The following CTNND2 variants were observed in gnomAD, a reference collection of about 807,000 sequenced individuals.
CTNND2 encodes catenin delta 2.
CTNND2 carries 22 observed loss-of-function variants against 144.4 expected under a neutral mutation model. That is an observed-to-expected ratio of 0.15 (90% CI 0.11 to 0.22). The LOEUF is 0.22. Ranked by LOEUF, CTNND2 falls within the 10% of genes least tolerant of loss-of-function variation. The pLI, the probability that CTNND2 is intolerant of heterozygous loss-of-function variation, is 1.00. For missense variants in CTNND2, 1,353 were observed against 1,618.8 expected, an observed-to-expected ratio of 0.84 and a Z score of 2.82; for synonymous variants, 751 against 695.6, an observed-to-expected ratio of 1.08 and a Z score of -1.25.
chr5:11,653,894 T>C (rs1207382472), intron 2 of CTNND2, among the ~76,000 whole-genome samples: 1 of 152,054 alleles, frequency 6.6e-6, no homozygotes, highest in African/African-American at 2.4e-5. Context: ...TTAATTCTTA[T>C]TCCATTTTAA....
chr5:11,459,472 T>C (rs1322366846), intron 3 of CTNND2, among the ~76,000 whole-genome samples: 1 of 152,182 alleles, frequency 6.6e-6, no homozygotes, highest in Admixed American at 6.5e-5. Flanking sequence ...TATTGAAAGA[T>C]AAAGATAATT....
At chr5:11,093,788 T>C (rs1751032102) in intron 15 of CTNND2, among the ~76,000 whole-genome samples, 1 of 152,246 alleles carries the variant, frequency 6.6e-6, no homozygotes, top group Non-Finnish European at 1.5e-5. Flanking sequence ...TATATGCTGT[T>C]GTGTATCCTA....
At chr5:11,367,844 G>A (rs1338482134) in intron 7 of CTNND2, among the ~76,000 whole-genome samples, 1 of 152,320 alleles carries the variant, frequency 6.6e-6, no homozygotes, top group East Asian at 1.9e-4. Flanking sequence ...CAACTTTCCT[G>A]ATGGTTTCCC....
intron 3 of CTNND2, among the ~76,000 whole-genome samples, chr5:11,485,194 G>A (rs1768679647): frequency 1.3e-5 from 2 of 152,058 alleles, no homozygotes; most frequent in South Asian, 4.1e-4. Flanking sequence ...AAAGGTGAAA[G>A]AAACATAAAA....
At chr5:11,371,181 A>G (rs1460074038) in intron 7 of CTNND2, among the ~76,000 whole-genome samples, 1 of 152,228 alleles carries the variant, frequency 6.6e-6, no homozygotes, top group Admixed American at 6.5e-5. Flanking sequence ...GCAGGTAGTC[A>G]GCCTGTACTC....
intron 2 of CTNND2, among the ~76,000 whole-genome samples, chr5:11,662,030 T>TACAC (rs894145940): frequency 1.3e-5 from 2 of 149,344 alleles, no homozygotes; most frequent in Non-Finnish European, 3.0e-5. Context: ...CACACATATA[T>TACAC]ACACACACAC....
intron 2 of CTNND2, among the ~76,000 whole-genome samples, chr5:11,645,259 G>A (rs940906060): frequency 6.6e-6 from 1 of 152,038 alleles, no homozygotes; most frequent in South Asian, 2.1e-4. Flanking sequence ...GAGCCACCAT[G>A]CCCAGTCTAA....
Position 11,903,776 on chromosome 5 carries a change from G to GAGGCTGCGCCCGGCCCCGGCCGC in CTNND2, c.37+18_37+40dup. 4 of 1,469,402 alleles carry GAGGCTGCGCCCGGCCCCGGCCGC rather than the reference G, an allele frequency of 2.7e-6. No homozygotes were observed. The highest frequency in any genetic ancestry group is 3.6e-6 in the Non-Finnish European group (4 of 1,116,390). 91.0% of individuals were successfully genotyped at this position (1,469,402 alleles called of 1,614,324 possible). On this transcript the variant is annotated intron_variant, in intron 1 of 21. Transcript: ENST00000304623. This position sits in a 1 kb window ranked among gnomAD's most constrained non-coding sequence, Gnocchi z 5.4. The stretch of plus-strand genomic sequence containing the variant: ...AAGAGGAGGAGGACGGCGCCGGGAG[G>GAGGCTGCGCCCGGCCCCGGCCGC]AGGCTGCGCCCGGCCCCGGCCGCCC...
intron 3 of CTNND2, among the ~76,000 whole-genome samples, chr5:11,558,273 C>T (rs1776385243): frequency 6.6e-6 from 1 of 152,018 alleles, no homozygotes; most frequent in South Asian, 2.1e-4. Flanking sequence ...ACAGAAAGGG[C>T]TCACAGTCAA....
At chr5:11,233,419 T>C (rs985944742) in intron 10 of CTNND2, among the ~76,000 whole-genome samples, 10 of 152,324 alleles carry the variant, frequency 6.6e-5, no homozygotes, top group Admixed American at 2.6e-4. Context: ...CTTCGTTCAA[T>C]GGCCTACCCA....
chr5:11,255,233 A>G (rs183587719), intron 9 of CTNND2, among the ~76,000 whole-genome samples: 11 of 152,126 alleles, frequency 7.2e-5, no homozygotes, highest in African/African-American at 2.2e-4. Flanking sequence ...ATTCCTGGGG[A>G]AAAAAAACTC....
At chr5:11,674,317 A>T (rs1432938498) in intron 2 of CTNND2, among the ~76,000 whole-genome samples, 4 of 152,240 alleles carry the variant, frequency 2.6e-5, no homozygotes, top group Non-Finnish European at 4.4e-5. Context: ...TATTTAATGA[A>T]AACAGATTTT....
chr5:11,543,935 A>G (rs565181359), intron 3 of CTNND2, among the ~76,000 whole-genome samples: 23 of 152,340 alleles, frequency 1.5e-4, no homozygotes, highest in African/African-American at 5.3e-4. Context: ...AATTCCCATA[A>G]ATAAGTTACA....
At chr5:11,296,347 G>A (rs1293288489) in intron 9 of CTNND2, among the ~76,000 whole-genome samples, 1 of 152,070 alleles carries the variant, frequency 6.6e-6, no homozygotes, top group African/African-American at 2.4e-5. Context: ...GTGCTGGAGA[G>A]GATGTGGAGA....
intron 1 of CTNND2, among the ~76,000 whole-genome samples, chr5:11,811,761 C>T (rs907708734): frequency 6.6e-6 from 1 of 152,056 alleles, no homozygotes; most frequent in Non-Finnish European, 1.5e-5. Context: ...TGAATTCTAC[C>T]GTTGCTTTAT....
intron 3 of CTNND2, among the ~76,000 whole-genome samples, chr5:11,443,206 G>A (rs1764439605): frequency 6.8e-6 from 1 of 145,998 alleles, no homozygotes; most frequent in East Asian, 2.0e-4. Context: ...TGTGTGGTGT[G>A]TATGTGTGTG....
At chr5:11,597,853 A>G (rs1318739503) in intron 2 of CTNND2, among the ~76,000 whole-genome samples, 1 of 152,184 alleles carries the variant, frequency 6.6e-6, no homozygotes, top group African/African-American at 2.4e-5. Flanking sequence ...TGAGCCACGA[A>G]GCCTGGCTTG....
At chr5:11,573,481 G>A (rs771644694) in intron 2 of CTNND2, among the ~76,000 whole-genome samples, 4 of 152,140 alleles carry the variant, frequency 2.6e-5, no homozygotes, top group Non-Finnish European at 4.4e-5. Flanking sequence ...AGTTTGAAGG[G>A]GAAGTGGCAC....
At chr5:11,759,460 A>T (rs1789134347) in intron 1 of CTNND2, among the ~76,000 whole-genome samples, 1 of 152,136 alleles carries the variant, frequency 6.6e-6, no homozygotes, top group African/African-American at 2.4e-5. Flanking sequence ...AATCTCAATT[A>T]TGCAAACATG....
Sources: allele counts gnomAD v4.1 joint callset (sites outside exome capture counted in the v4.1 genomes callset), GRCh38; gene constraint gnomAD v4.1.1; non-coding constraint Gnocchi (gnomAD v3.1); transcripts MANE v1.5; gene names NCBI Gene and HGNC (gene_info 2026-07-23, HGNC 2026-07-21).